Variants in PUM1 observed in about 807,000 individuals in gnomAD.
PUM1 encodes the protein pumilio RNA binding family member 1.
Under a neutral mutation model 131.8 loss-of-function variants are expected in PUM1, and 13 were observed. The observed-to-expected ratio is 0.10, with a 90% CI of 0.06 to 0.16. The LOEUF (loss-of-function observed/expected upper bound fraction) is 0.16, where lower values mean the gene tolerates loss of function less well. Among genes scored for constraint, PUM1 ranks in the 10% least tolerant of loss-of-function variants. The pLI, the probability that PUM1 is intolerant of heterozygous loss-of-function variation, is 1.00. For synonymous variants in PUM1, 509 were observed against 556.5 expected, an observed-to-expected ratio of 0.91 and a Z score of 1.20; for missense variants, 961 against 1,512.4, an observed-to-expected ratio of 0.64 and a Z score of 6.05.
intron 7 of PUM1, among the ~76,000 whole-genome samples, chr1:30,991,620 T>A (rs1641796435): frequency 6.6e-6 from 1 of 152,318 alleles, no homozygotes; most frequent in African/African-American, 2.4e-5. Flanking sequence ...CAGAAATTCA[T>A]GGTCAATCAA....
At chr1:31,018,804 G>A (rs1332783931) in intron 3 of PUM1, among the ~76,000 whole-genome samples, 1 of 152,174 alleles carries the variant, frequency 6.6e-6, no homozygotes, top group African/African-American at 2.4e-5. Flanking sequence ...ATTCTGCAGA[G>A]ACAGCTGAGT....
chr1:30,955,659 T>C (rs1424260226), intron 14 of PUM1, among the ~76,000 whole-genome samples: 1 of 152,118 alleles, frequency 6.6e-6, no homozygotes, highest in Non-Finnish European at 1.5e-5. Context: ...TGAATAACAA[T>C]TAAAAACCCA....
chr1:31,014,160 G>C (rs186488364), intron 3 of PUM1, among the ~76,000 whole-genome samples: 2 of 152,094 alleles, frequency 1.3e-5, no homozygotes, highest in Non-Finnish European at 2.9e-5. Flanking sequence ...AGCCAAGTGT[G>C]GTAGCACATG....
At chr1:31,012,552 T>TAAAAAAAAAAAAAAAAAAAAAAAAA in intron 3 of PUM1, among the ~76,000 whole-genome samples, 1 of 119,186 alleles carries the variant, frequency 8.4e-6, no homozygotes, top group South Asian at 2.7e-4. Context: ...TTATGAAAAG[T>TAAAAAAAAAAAAAAAAAAAAAAAAA]AAAAAAAAAA....
intron 3 of PUM1, among the ~76,000 whole-genome samples, chr1:31,019,422 T>G (rs1490155392): frequency 1.3e-5 from 2 of 152,230 alleles, no homozygotes; most frequent in Non-Finnish European, 2.9e-5. Context: ...GCAAACTTGA[T>G]GACTACCATT....
At chr1:30,992,368 G>A in intron 7 of PUM1, 22 bp downstream of exon 7, 1 of 1,606,760 alleles carries the variant, frequency 6.2e-7, no homozygotes, top group Non-Finnish European at 8.5e-7. Context: ...AGTAGAGAGG[G>A]TGACAGAGAC....
intron 11 of PUM1, 173 bp downstream of exon 11, chr1:30,968,181 C>T (rs767196030): frequency 4.5e-5 from 39 of 870,442 alleles, no homozygotes; most frequent in Non-Finnish European, 7.2e-5. Flanking sequence ...CAGAACAATG[C>T]TCTCATCAGT....
chr1:31,059,445 C>T lies in PUM1; in HGVS notation c.122G>A (p.Gly41Glu). Residue 41 changes from glycine (G) to glutamate (E), a missense_variant, in exon 2 of 22, where the codon GGA (glycine) becomes GAA (glutamate). Gly to Glu is a moderately conservative substitution (Grantham distance 98). Around this residue, in one of 4 missense-constraint regions of PUM1, gnomAD observed 654 missense variants for 923.9 expected, o/e 0.71. Coordinates refer to ENST00000426105, the MANE Select transcript of PUM1 (RefSeq NM_001020658.2). ...NPNMPVVLTS[G>E]TGSQAQPQPA... ...TTGTGGCTGCGCTTGCGACCCTGTTCCAGATGTCAAAACAACAGGCATGTT... is the reference window on the plus strand; with the variant it reads ...TTGTGGCTGCGCTTGCGACCCTGTTTCAGATGTCAAAACAACAGGCATGTT... 2 of 1,614,126 alleles carry T rather than the reference C, an allele frequency of 1.2e-6. No homozygotes were observed. The highest frequency in any genetic ancestry group is 1.7e-6 in the Non-Finnish European group (2 of 1,180,028).
At chr1:31,064,399 C>T (rs1021278539) in intron 1 of PUM1, among the ~76,000 whole-genome samples, 3 of 152,092 alleles carry the variant, frequency 2.0e-5, no homozygotes, top group Admixed American at 1.3e-4. Context: ...CAACAGCCCC[C>T]CAGTGTTTTA....
chr1:31,038,974 A>ATTTTTTTTTTTTTTTTTTTT (rs1557599182), intron 2 of PUM1, among the ~76,000 whole-genome samples: 1 of 30,706 alleles, frequency 3.3e-5, no homozygotes, highest in African/African-American at 2.7e-4. Flanking sequence ...ATATATATAT[A>ATTTTTTTTTTTTTTTTTTTT]TATATATATA....
rs535342150 is a variant in PUM1 at position 30,966,452 on chromosome 1, A to G, written c.1790-174T>C. ...TATGAAGCTTCTATTTTCTGTTTCT[A>G]CTTTCAATTTGAACTCAAAATACCA... On this transcript the variant is annotated intron_variant, in intron 12 of 21. Coordinates refer to ENST00000426105, the MANE Select transcript of PUM1 (RefSeq NM_001020658.2). 7.9e-6 allele frequency: 5 copies of G among 634,460 alleles called. No homozygotes were observed. The South Asian group carries it at 1.3e-4, about 16-fold the overall frequency. 39.3% of individuals were successfully genotyped at this position (634,460 alleles called of 1,614,324 possible).
intron 3 of PUM1, among the ~76,000 whole-genome samples, chr1:31,018,447 G>A (rs964473633): frequency 6.6e-6 from 1 of 152,200 alleles, no homozygotes; most frequent in Admixed American, 6.5e-5. Context: ...CCTGAGGTCA[G>A]GAGTTCGAGA....
intron 5 of PUM1, among the ~76,000 whole-genome samples, chr1:30,999,580 C>T (rs970240261): frequency 2.3e-5 from 3 of 129,434 alleles, no homozygotes; most frequent in Non-Finnish European, 3.1e-5. Context: ...GCACTCCAGC[C>T]TGGGTGACAG....
intron 3 of PUM1, among the ~76,000 whole-genome samples, chr1:31,027,262 T>C (rs1643258171): frequency 6.6e-6 from 1 of 152,160 alleles, no homozygotes; most frequent in African/African-American, 2.4e-5. Flanking sequence ...ATAGTGAGAC[T>C]CTGTCTCTAT....
intron 1 of PUM1, among the ~76,000 whole-genome samples, chr1:31,065,251 G>A (rs1644458256): frequency 6.6e-6 from 1 of 152,076 alleles, no homozygotes; most frequent in Non-Finnish European, 1.5e-5. Context: ...AGAAGACTCG[G>A]GGCTTCGCAA....
intron 15 of PUM1, 127 bp from the exon 16 acceptor site, chr1:30,952,490 A>T: frequency 1.5e-6 from 2 of 1,352,024 alleles, no homozygotes; most frequent in Non-Finnish European, 2.0e-6. Context: ...ACACACATGC[A>T]CACAATAAAC....
chr1:31,048,429 G>A (rs1368306257), intron 2 of PUM1, among the ~76,000 whole-genome samples: 1 of 150,576 alleles, frequency 6.6e-6, no homozygotes, highest in African/African-American at 2.4e-5. Context: ...TTAGCCACCA[G>A]GACCATCAAG....
rs190618472 is a variant in PUM1 at position 30,989,986 on chromosome 1, A to C, written c.1158+2404T>G. On this transcript the variant is annotated intron_variant, in intron 7 of 21. Coordinates refer to ENST00000426105, the MANE Select transcript of PUM1 (RefSeq NM_001020658.2). ...CAACAGAGTGAGCCTTAAAATATTA[A>C]GTTCTGATCCAAGAAGTAACTTTCC... 1.2e-4 allele frequency among the ~76,000 whole-genome samples: 19 copies of C among 152,314 alleles called. 1 individual carries two copies. The highest frequency in any genetic ancestry group is 2.4e-4 in the Non-Finnish European group (16 of 68,028).
intron 3 of PUM1, among the ~76,000 whole-genome samples, chr1:31,023,646 C>T (rs553551921): frequency 1.1e-4 from 17 of 152,176 alleles, no homozygotes; most frequent in South Asian, 4.1e-4. Flanking sequence ...AAGAACCCAA[C>T]GAAGCCAGGC....
Sources: allele counts gnomAD v4.1 joint callset (sites outside exome capture counted in the v4.1 genomes callset), GRCh38; gene constraint gnomAD v4.1.1; regional missense constraint gnomAD v4.1.1; transcripts MANE v1.5; gene names NCBI Gene and HGNC (gene_info 2026-07-23, HGNC 2026-07-21).